CNGA3: variants seen among roughly 807,000 people sequenced by gnomAD.
CNGA3 encodes the protein cyclic nucleotide-gated channel alpha-3.
CNGA3 carries 42 observed loss-of-function variants against 46.6 expected under a neutral mutation model. The observed-to-expected ratio is 0.90, with a 90% CI of 0.70 to 1.17. The LOEUF (loss-of-function observed/expected upper bound fraction) is 1.17. Among genes scored for constraint, CNGA3 ranks in the 50% most tolerant of loss-of-function variants. CNGA3 has a pLI of 0.00. For missense variants in CNGA3, 893 were observed against 890.7 expected, an observed-to-expected ratio of 1.00 and a Z score of -0.03; for synonymous variants, 394 against 369.4, an observed-to-expected ratio of 1.07 and a Z score of -0.76.
chr2:98,350,931 C>T (rs1375278847), intron 1 of CNGA3: 1 of 152,160 alleles, frequency 6.6e-6, no homozygotes, highest in Non-Finnish European at 1.5e-5. Flanking sequence ...AACTCAGACT[C>T]GTTATCTCCA....
At position 98,370,406 on chromosome 2, in the gene CNGA3, C is replaced by T. The variant is rs552463033; in HGVS notation, c.101+330C>T. On this transcript the variant is annotated intron_variant, in intron 2 of 7. Coordinates refer to ENST00000272602, the MANE Select transcript of CNGA3 (RefSeq NM_001298.3). ...AAACTGACACACTCTCCCATGTATTCATCAAAAATGTGTTGGACTCTTGCT... is the reference window on the plus strand; with the variant it reads ...AAACTGACACACTCTCCCATGTATTTATCAAAAATGTGTTGGACTCTTGCT... Among the ~76,000 whole-genome samples, 3 of 152,222 alleles carry T rather than the reference C, an allele frequency of 2.0e-5. No homozygotes were observed. The South Asian group carries it at 6.2e-4, about 31-fold the overall frequency.
intron 1 of CNGA3, among the ~76,000 whole-genome samples, chr2:98,363,735 G>C (rs1692084466): frequency 1.3e-5 from 2 of 152,094 alleles, no homozygotes; most frequent in African/African-American, 2.4e-5. Flanking sequence ...ACATTCCTAT[G>C]TACATTCCTA....
At chr2:98,383,909 T>C (rs2104214872) in intron 5 of CNGA3, among the ~76,000 whole-genome samples, 1 of 152,246 alleles carries the variant, frequency 6.6e-6, no homozygotes, top group Non-Finnish European at 1.5e-5. Flanking sequence ...GTTTTTGAGA[T>C]GGAGTCTTGC....
At chr2:98,348,289 T>G (rs1418813929) in intron 1 of CNGA3, among the ~76,000 whole-genome samples, 1 of 152,180 alleles carries the variant, frequency 6.6e-6, no homozygotes, top group African/African-American at 2.4e-5. Flanking sequence ...CTTAATCACT[T>G]TAGCTGGGAC....
At position 98,370,043 on chromosome 2, in the gene CNGA3, G is replaced by A. The variant is rs746563618; in HGVS notation, c.68G>A (p.Arg23Gln). Reference protein sequence around the residue: ...RTHLKVKTSDRDLNRAENGLS... With the variant: ...RTHLKVKTSDQDLNRAENGLS... ...CACCTCAAGGTAAAGACCTCAGACC[G>A]AGATCTCAATCGCGCTGAAAATGGC... The change falls in exon 2 of 8, where the codon CGA becomes CAA. Residue 23 changes from arginine to glutamine, a missense_variant. Arg to Gln is a conservative substitution (Grantham distance 43). Coordinates refer to ENST00000272602, the MANE Select transcript of CNGA3 (RefSeq NM_001298.3). 2.2e-5 allele frequency: 36 copies of A among 1,613,778 alleles called. No homozygotes were observed. The highest frequency in any genetic ancestry group is 1.5e-4 in the South Asian group (14 of 91,010).
intron 6 of CNGA3, 96 bp from the exon 7 acceptor site, chr2:98,391,768 T>C: frequency 8.8e-7 from 1 of 1,133,492 alleles, no homozygotes; most frequent in Admixed American, 1.7e-5. Flanking sequence ...TATTACATGA[T>C]CCAGCGTCTT....
At chr2:98,367,272 G>A (rs187058937) in intron 1 of CNGA3, among the ~76,000 whole-genome samples, 1,771 of 147,690 alleles carry the variant, frequency 0.012, 34 homozygotes, top group African/African-American at 0.039. Context: ...TCGGCTCACC[G>A]CAAGCTCCGC....
At chr2:98,353,215 C>T (rs374319135) in intron 1 of CNGA3, among the ~76,000 whole-genome samples, 1 of 152,146 alleles carries the variant, frequency 6.6e-6, no homozygotes, top group South Asian at 2.1e-4. Flanking sequence ...CAAACCCATG[C>T]TGTTTAAGGA....
intron 1 of CNGA3, chr2:98,350,695 T>C (rs1052029306): frequency 3.9e-5 from 6 of 152,228 alleles, no homozygotes; most frequent in Non-Finnish European, 5.9e-5. Flanking sequence ...TTAAGAAACA[T>C]AATTGATCAT....
At chr2:98,390,553 GC>G (rs1692761338) in intron 6 of CNGA3, among the ~76,000 whole-genome samples, 2 of 152,304 alleles carry the variant, frequency 1.3e-5, no homozygotes, top group South Asian at 4.1e-4. Context: ...GAAGCCAGGG[GC>G]CTGGGCTTTT....
chr2:98,382,153 C>T (rs533010241), intron 4 of CNGA3, among the ~76,000 whole-genome samples: 3 of 152,210 alleles, frequency 2.0e-5, no homozygotes, highest in African/African-American at 7.2e-5. Context: ...AAGATGGATG[C>T]GATGGTGCGG....
intron 3 of CNGA3, 79 bp from the exon 4 acceptor site, chr2:98,380,096 G>C (rs749530046): frequency 3.3e-6 from 5 of 1,503,422 alleles, no homozygotes; most frequent in African/African-American, 2.7e-5. Flanking sequence ...GGGAGAAAGA[G>C]AGAGAGGGAA....
chr2:98,380,388 G>A, intron 4 of CNGA3, 34 bp downstream of exon 4: 1 of 1,597,804 alleles, frequency 6.3e-7, no homozygotes, highest in Admixed American at 1.8e-5. Context: ...GGCCTCTGGT[G>A]CCTGCTGGGG....
intron 2 of CNGA3, among the ~76,000 whole-genome samples, chr2:98,374,046 G>A (rs1221110939): frequency 1.3e-5 from 2 of 152,212 alleles, no homozygotes; most frequent in African/African-American, 4.8e-5. Context: ...CTTAAGAAGA[G>A]GAAATTAAAG....
At chr2:98,361,833 G>T (rs75781371) in intron 1 of CNGA3, among the ~76,000 whole-genome samples, 29,067 of 150,706 alleles carry the variant, frequency 0.19, 3,181 homozygotes, top group Non-Finnish European at 0.26. Flanking sequence ...TCAGCCTCCA[G>T]AGTAGCTGGG....
At chr2:98,373,112 G>C (rs994967059) in intron 2 of CNGA3, among the ~76,000 whole-genome samples, 1 of 152,156 alleles carries the variant, frequency 6.6e-6, no homozygotes, top group East Asian at 1.9e-4. Context: ...GTGTACTCAG[G>C]ATGGGGTACA....
intron 5 of CNGA3, among the ~76,000 whole-genome samples, chr2:98,387,401 G>C (rs1169410782): frequency 6.6e-6 from 1 of 152,194 alleles, no homozygotes; most frequent in East Asian, 1.9e-4. Context: ...GTGTGGAAGA[G>C]AGAAATCAGA....
At chr2:98,378,881 T>C (rs1398556707) in intron 3 of CNGA3, among the ~76,000 whole-genome samples, 1 of 152,248 alleles carries the variant, frequency 6.6e-6, no homozygotes, top group Non-Finnish European at 1.5e-5. Flanking sequence ...TTTGTGCTTC[T>C]TTCTGCATGT....
Position 98,389,720 on chromosome 2 carries a change from G to A in CNGA3, c.512G>A (p.Trp171Ter). 6.2e-7 allele frequency: 1 copy of A among 1,613,738 alleles called. No individual in the cohort carries two copies. The highest frequency in any genetic ancestry group is 8.5e-7 in the Non-Finnish European group (1 of 1,180,046). The part of the protein sequence containing the change: ...VDPSSNLYYR[W>*]LTAIALPVFY... The stretch of plus-strand genomic sequence containing the variant: ...CCGTCCAGCAACCTGTACTACCGCT[G>A]GCTGACCGCCATCGCCCTGCCTGTC... Residue 171 changes from tryptophan to a stop codon, truncating the protein, a stop_gained, in exon 6 of 8, where the codon TGG becomes TAG. Coordinates refer to ENST00000272602, the MANE Select transcript of CNGA3 (RefSeq NM_001298.3). LOFTEE classifies it high-confidence loss of function.
Sources: gnomAD v4.1 joint callset for allele counts (sites outside exome capture counted in the v4.1 genomes callset) on GRCh38, gnomAD v4.1.1 for gene constraint, MANE v1.5 for transcripts, NCBI Gene and HGNC (gene_info 2026-07-23, HGNC 2026-07-21) for gene names.